Variants in IL6R observed in about 807,000 individuals in gnomAD.
The protein encoded by IL6R is interleukin-6 receptor subunit alpha.
IL6R carries 38 observed loss-of-function variants against 48.3 expected under a neutral mutation model. The ratio of observed to expected loss-of-function variants is 0.79; its 90% CI spans 0.61 to 1.03. IL6R has a LOEUF of 1.03. IL6R is among the 50% of genes least tolerant of loss of function. The probability of loss-of-function intolerance (pLI) is 0.00; values close to 1 mark genes in which losing one functional copy is unlikely to be tolerated. For missense variants in IL6R, 534 were observed against 618.3 expected, an observed-to-expected ratio of 0.86 and a Z score of 1.45; for synonymous variants, 264 against 256.2, an observed-to-expected ratio of 1.03 and a Z score of -0.29.
At chr1:154,457,961 C>CTTTTTCTTTTTT (rs1690987419) in intron 9 of IL6R, among the ~76,000 whole-genome samples, 2 of 108,150 alleles carry the variant, frequency 1.8e-5, no homozygotes, top group Non-Finnish European at 4.2e-5. Flanking sequence ...TTTTCTTTTT[C>CTTTTTCTTTTTT]TTTTTCTTTT....
intron 6 of IL6R, chr1:154,444,938 C>T (rs1182151374): frequency 2.0e-5 from 8 of 401,226 alleles, no homozygotes; most frequent in African/African-American, 8.4e-5. Flanking sequence ...CCCCCACACC[C>T]GCCCCCCCCA....
intron 1 of IL6R, among the ~76,000 whole-genome samples, chr1:154,417,643 C>T (rs530558823): frequency 3.3e-5 from 5 of 152,014 alleles, no homozygotes; most frequent in African/African-American, 7.2e-5. Flanking sequence ...GATCTCGGCT[C>T]ACTGCAAACT....
At chr1:154,424,819 C>T (rs1688874380) in intron 1 of IL6R, among the ~76,000 whole-genome samples, 1 of 152,078 alleles carries the variant, frequency 6.6e-6, no homozygotes, top group Admixed American at 6.6e-5. Flanking sequence ...AGACAAAACC[C>T]CTCAGACACC....
At chr1:154,462,360 T>C (rs114879247) in intron 9 of IL6R, among the ~76,000 whole-genome samples, 2,748 of 150,402 alleles carry the variant, frequency 0.018, 48 homozygotes, top group Non-Finnish European at 0.031. Context: ...GTACAAATTC[T>C]TGTAAATCTC....
chr1:154,418,980 T>C (rs1570932455), intron 1 of IL6R, among the ~76,000 whole-genome samples: 1 of 151,142 alleles, frequency 6.6e-6, no homozygotes, highest in Non-Finnish European at 1.5e-5. Context: ...GGAGAGGAAA[T>C]TGGGAGAGGG....
chr1:154,405,778 C>A lies in IL6R; in HGVS notation c.85+64C>A. The A allele has an allele frequency of 2.5e-6, 3 of 1,218,804 alleles. No homozygotes were observed. Among genetic ancestry groups the A allele is most frequent in the South Asian group, 3.3e-5 (2 of 61,198 alleles). 75.5% of individuals were successfully genotyped at this position (1,218,804 alleles called of 1,614,324 possible). On this transcript the variant is annotated intron_variant, in intron 1 of 9. Transcript: ENST00000368485. The surrounding 1 kb of genome is among the most constrained non-coding windows in gnomAD (Gnocchi z 5.2). ...AGCGGCTGGGGGAAACCGCCTTGGT[C>A]ACCGCAGTCTGTGGGAGGCTGGAGG... is the stretch of plus-strand genomic sequence containing the variant.
chr1:154,424,753 T>C (rs1258409999), intron 1 of IL6R, among the ~76,000 whole-genome samples: 2 of 152,140 alleles, frequency 1.3e-5, no homozygotes, highest in African/African-American at 4.8e-5. Flanking sequence ...CAGGTGCTCA[T>C]TGGAGTTCAA....
At chr1:154,457,322 C>CAAAAAAAAAAAAAAAAA (rs60033332) in intron 9 of IL6R, among the ~76,000 whole-genome samples, 12 of 78,124 alleles carry the variant, frequency 1.5e-4, no homozygotes, top group African/African-American at 2.0e-4. Context: ...GACTCCGTCT[C>CAAAAAAAAAAAAAAAAA]AAAAAAAAAA....
At position 154,430,485 on chromosome 1, in the gene IL6R, C is replaced by A. The variant is rs780213918; in HGVS notation, c.337C>A (p.Pro113Thr). ...AGTVHLLVDV[P>T]PEEPQLSCFR... ...CACCTGCAATGCTTTCCTTTCAGTTCCCCCCGAGGAGCCCCAGCTCTCCTG... is the reference window on the plus strand; with the variant it reads ...CACCTGCAATGCTTTCCTTTCAGTTACCCCCGAGGAGCCCCAGCTCTCCTG... The change falls in exon 3 of 10, where the codon CCC (proline) becomes ACC (threonine). Residue 113 changes from proline (P) to threonine (T), a missense_variant and splice_region_variant. Physicochemically the swap from Pro to Thr is conservative, Grantham distance 38. Transcript: ENST00000368485. The A allele has an allele frequency of 6.2e-7, 1 of 1,612,488 alleles. No homozygotes were observed. The highest frequency in any genetic ancestry group is 8.5e-7 in the Non-Finnish European group (1 of 1,179,564).
chr1:154,466,995 C>T lies in IL6R; in HGVS notation c.*1615C>T, dbSNP rs1233490083. 2.0e-5 allele frequency: 3 copies of T among 152,590 alleles called. No individual in the cohort carries two copies. The highest frequency in any genetic ancestry group is 6.5e-5 in the Admixed American group (1 of 15,268). The allele number at this position is 152,590 out of a possible 1,614,324, so 9.5% of individuals were successfully genotyped here. On this transcript the variant is annotated 3_prime_UTR_variant, in exon 10 of 10. Coordinates refer to ENST00000368485, the MANE Select transcript of IL6R (RefSeq NM_000565.4). ...AGGGAAAAACCAGCGTGTGACTACT[C>T]CCCCAGGTGGTTATGGAGAGGGTGT...
intron 3 of IL6R, among the ~76,000 whole-genome samples, chr1:154,433,314 T>C (rs1015693095): frequency 1.7e-4 from 26 of 152,134 alleles, no homozygotes; most frequent in African/African-American, 6.0e-4. Context: ...CCCACATGTG[T>C]CATAAGAGGG....
chr1:154,423,400 TA>T (rs1280249493), intron 1 of IL6R, among the ~76,000 whole-genome samples: 1 of 150,182 alleles, frequency 6.7e-6, no homozygotes, highest in Non-Finnish European at 1.5e-5. Flanking sequence ...AGGGCAGAGG[TA>T]GGGAGAGGAC....
At position 154,435,875 on chromosome 1, in the gene IL6R, G is replaced by T. The variant is rs892502961; in HGVS notation, c.808-94G>T. 7.7e-5 allele frequency: 87 copies of T among 1,135,826 alleles called. 1 individual carries two copies. In the Admixed American group the frequency reaches 2.1e-3, roughly 27 times the overall value. 70.4% of individuals were successfully genotyped at this position (1,135,826 alleles called of 1,614,324 possible). On this transcript the variant is annotated intron_variant, in intron 5 of 9. Transcript: ENST00000368485. Reference sequence around the variant, plus strand: ...CCTCTAGAGGCCTCTGCCAGCTGAAGCACAGGGCTGGCCAAGGCACCAACC... The same window carrying T: ...CCTCTAGAGGCCTCTGCCAGCTGAATCACAGGGCTGGCCAAGGCACCAACC...
chr1:154,414,872 G>T (rs1011077208), intron 1 of IL6R: 1 of 780,598 alleles, frequency 1.3e-6, no homozygotes, highest in Admixed American at 2.0e-5. Flanking sequence ...GACTGGGGAA[G>T]CTGTTCCTTG....
At position 154,408,545 on chromosome 1, in the gene IL6R, T is replaced by C. The variant is rs149539575; in HGVS notation, c.85+2831T>C. The stretch of plus-strand genomic sequence containing the variant: ...GTAGGGGGTGGTTAGAGAGAGGAAG[T>C]TCCTCTGACTGAGGACCAAGATCCC... On this transcript the variant is annotated intron_variant, in intron 1 of 9. Transcript: ENST00000368485. 6.1e-3 allele frequency among the ~76,000 whole-genome samples: 925 copies of C among 152,176 alleles called. 13 individuals carry two copies. The highest frequency in any genetic ancestry group is 0.021 in the African/African-American group (876 of 41,520).
intron 6 of IL6R, among the ~76,000 whole-genome samples, chr1:154,445,833 C>T (rs1198781758): frequency 2.0e-5 from 3 of 151,826 alleles, no homozygotes; most frequent in Non-Finnish European, 4.4e-5. Flanking sequence ...AGGCTCCAGA[C>T]GAAGCTGACT....
At chr1:154,437,359 A>G (rs1689683991) in intron 6 of IL6R, 1 of 271,064 alleles carries the variant, frequency 3.7e-6, no homozygotes, top group South Asian at 3.1e-5. Context: ...AGCCTCCCAA[A>G]GTGCTGGGAT....
At chr1:154,460,641 AAGTT>A (rs1691199637) in intron 9 of IL6R, among the ~76,000 whole-genome samples, 1 of 152,214 alleles carries the variant, frequency 6.6e-6, no homozygotes, top group Non-Finnish European at 1.5e-5. Context: ...ACATACAGAA[AAGTT>A]CCCACATCAT....
chr1:154,442,233 C>T lies in IL6R; in HGVS notation c.950-5892C>T, dbSNP rs551620016. On this transcript the variant is annotated intron_variant, in intron 6 of 9. Transcript: ENST00000368485. ...TCTAATACGTAATAGATGGTGTTCA[C>T]AGCACGATAAGGCCGTAAGCAGACT... Among the ~76,000 whole-genome samples, 8 of 152,250 alleles carry T rather than the reference C, an allele frequency of 5.3e-5. No individual in the cohort carries two copies. In the East Asian group the frequency reaches 1.5e-3, roughly 29 times the overall value.
Sources: allele counts gnomAD v4.1 joint callset (sites outside exome capture counted in the v4.1 genomes callset), GRCh38; gene constraint gnomAD v4.1.1; non-coding constraint Gnocchi (gnomAD v3.1); transcripts MANE v1.5; gene names NCBI Gene and HGNC (gene_info 2026-07-23, HGNC 2026-07-21).